Variants in UAP1 observed in about 807,000 individuals in gnomAD.
UAP1 encodes UDP-N-acetylhexosamine pyrophosphorylase.
Under a neutral mutation model 58.5 loss-of-function variants are expected in UAP1, and 25 were observed. The ratio of observed to expected loss-of-function variants is 0.43; its 90% CI spans 0.31 to 0.60. The LOEUF (loss-of-function observed/expected upper bound fraction) is 0.60, where lower values mean the gene tolerates loss of function less well. Among genes scored for constraint, UAP1 ranks in the 20% least tolerant of loss-of-function variants. UAP1 has a pLI of 0.11. For synonymous variants in UAP1, 208 were observed against 213.0 expected (o/e 0.98, Z 0.21); for missense variants, 575 against 630.0 (o/e 0.91, Z 0.93).
At chr1:162,575,406 T>C in intron 2 of UAP1, among the ~76,000 whole-genome samples, 1 of 152,288 alleles carries the variant, frequency 6.6e-6, no homozygotes, top group East Asian at 1.9e-4. Flanking sequence ...TATATTTACA[T>C]ATAATAAAAT....
rs551638452 is a variant in UAP1, at chr1:162,565,540, A to G, written c.-57-472A>G. 2.0e-5 allele frequency among the ~76,000 whole-genome samples: 3 copies of G among 152,362 alleles called. No individual in the cohort carries two copies. The South Asian group carries it at 6.2e-4, about 32-fold the overall frequency. ...ATTTCATTATACTGACTACAACAACACATGATAGTATTTCTATCATTAGAG... is the reference window on the plus strand; with the variant it reads ...ATTTCATTATACTGACTACAACAACGCATGATAGTATTTCTATCATTAGAG... On this transcript the variant is annotated intron_variant, in intron 1 of 10. Transcript: ENST00000271469.
intron 2 of UAP1, among the ~76,000 whole-genome samples, chr1:162,568,760 G>T (rs1467882342): frequency 2.6e-5 from 4 of 152,138 alleles, no homozygotes; most frequent in Admixed American, 6.5e-5. Flanking sequence ...TTACCCTCTA[G>T]TATCCCAGTT....
At chr1:162,590,766 A>G (rs980634182) in intron 8 of UAP1, among the ~76,000 whole-genome samples, 4 of 151,882 alleles carry the variant, frequency 2.6e-5, no homozygotes, top group Admixed American at 6.6e-5. Context: ...TGCCACCATG[A>G]CAGCAAAAAG....
chr1:162,582,875 GCTGAT>G (rs1422085087), intron 5 of UAP1, among the ~76,000 whole-genome samples: 1 of 152,150 alleles, frequency 6.6e-6, no homozygotes, highest in Non-Finnish European at 1.5e-5. Flanking sequence ...GAGAGATTAA[GCTGAT>G]AGACCTAATA....
At chr1:162,597,617 T>C in intron 9 of UAP1, 175 bp from the exon 10 acceptor site, 1 of 532,938 alleles carries the variant, frequency 1.9e-6, no homozygotes, top group Non-Finnish European at 3.3e-6. Flanking sequence ...CCTGAGAATT[T>C]CATATTAACT....
intron 7 of UAP1, 109 bp downstream of exon 7, chr1:162,588,942 A>C: frequency 2.6e-4 from 280 of 1,076,576 alleles, no homozygotes; most frequent in Non-Finnish European, 3.0e-4. Context: ...CACATATCTC[A>C]CATGGCATTT....
intron 2 of UAP1, among the ~76,000 whole-genome samples, chr1:162,570,302 G>A (rs965902668): frequency 1.3e-5 from 2 of 152,074 alleles, no homozygotes; most frequent in Non-Finnish European, 2.9e-5. Context: ...TGCATATATT[G>A]GGATTGTGTA....
intron 5 of UAP1, among the ~76,000 whole-genome samples, chr1:162,583,146 C>CTTTTTT (rs11376471): frequency 1.5e-4 from 10 of 68,034 alleles, no homozygotes; most frequent in Admixed American, 4.9e-4. Flanking sequence ...TGGTGTCACT[C>CTTTTTT]TTTTTTTTTT....
intron 3 of UAP1, 60 bp downstream of exon 3, chr1:162,577,041 A>C: frequency 1.3e-6 from 2 of 1,493,444 alleles, no homozygotes; most frequent in Non-Finnish European, 1.8e-6. Context: ...AATATTCAAA[A>C]TGCATATATA....
chr1:162,596,453 G>A (rs1343759815), intron 9 of UAP1, among the ~76,000 whole-genome samples: 1 of 152,218 alleles, frequency 6.6e-6, no homozygotes, highest in African/African-American at 2.4e-5. Context: ...GGGATTACAG[G>A]TGTGAGCCAC....
chr1:162,581,538 T>A lies in UAP1; in HGVS notation c.834+79T>A. On this transcript the variant is annotated intron_variant, in intron 5 of 10. Transcript: ENST00000271469. Reference sequence around the variant, plus strand: ...ACGCATTCCAGAAGTCAAACCAAGTTTATTAGGGTGATTTGAATATTTTAG... The same window carrying A: ...ACGCATTCCAGAAGTCAAACCAAGTATATTAGGGTGATTTGAATATTTTAG... 3 of 1,380,636 alleles carry A rather than the reference T, an allele frequency of 2.2e-6. No individual in the cohort carries two copies. The South Asian group carries it at 4.4e-5, about 20-fold the overall frequency. 85.5% of individuals were successfully genotyped at this position (1,380,636 alleles called of 1,614,324 possible). A position where few individuals can be genotyped will look rare whatever the true frequency, so the allele number is the denominator to read the frequency against.
intron 4 of UAP1, among the ~76,000 whole-genome samples, chr1:162,580,931 A>C (rs1025712794): frequency 6.6e-6 from 1 of 152,262 alleles, no homozygotes; most frequent in African/African-American, 2.4e-5. Context: ...AACTTGAATC[A>C]TACAAATGTT....
intron 2 of UAP1, among the ~76,000 whole-genome samples, chr1:162,574,352 C>T (rs898548797): frequency 1.3e-5 from 2 of 152,134 alleles, no homozygotes; most frequent in Non-Finnish European, 2.9e-5. Flanking sequence ...CTTGGCCTTC[C>T]AAAGTGTTGA....
At chr1:162,589,305 T>C (rs980976505) in intron 7 of UAP1, among the ~76,000 whole-genome samples, 3 of 135,578 alleles carry the variant, frequency 2.2e-5, no homozygotes, top group East Asian at 4.0e-4. Context: ...TTATATTATA[T>C]ATATAAATAA....
At chr1:162,586,329 T>C (rs1382030697) in intron 5 of UAP1, among the ~76,000 whole-genome samples, 4 of 152,134 alleles carry the variant, frequency 2.6e-5, no homozygotes, top group Non-Finnish European at 5.9e-5. Context: ...TTCAAATAGA[T>C]AGGGATTTTT....
At chr1:162,596,251 C>T (rs2101845169) in intron 9 of UAP1, among the ~76,000 whole-genome samples, 1 of 151,462 alleles carries the variant, frequency 6.6e-6, no homozygotes, top group East Asian at 2.0e-4. Flanking sequence ...TCTCGGCTCA[C>T]TGCAACCTCT....
chr1:162,600,760 C>G (rs1375261134), downstream of UAP1, among the ~76,000 whole-genome samples: 1 of 151,184 alleles, frequency 6.6e-6, no homozygotes, highest in Non-Finnish European at 1.5e-5. Context: ...ATTTCAATAA[C>G]AGCTCAATTT....
At chr1:162,581,731 G>T (rs1047423989) in intron 5 of UAP1, among the ~76,000 whole-genome samples, 1 of 152,158 alleles carries the variant, frequency 6.6e-6, no homozygotes, top group Non-Finnish European at 1.5e-5. Context: ...CTAGACCTGG[G>T]TTGGATTCAT....
intron 5 of UAP1, among the ~76,000 whole-genome samples, chr1:162,584,842 CATG>C (rs2101803073): frequency 6.6e-6 from 1 of 152,142 alleles, no homozygotes; most frequent in South Asian, 2.1e-4. Flanking sequence ...GAGTGAAGAA[CATG>C]AGAAAAGACT....
Sources: allele counts gnomAD v4.1 joint callset (sites outside exome capture counted in the v4.1 genomes callset), GRCh38; gene constraint gnomAD v4.1.1; transcripts MANE v1.5; gene names NCBI Gene and HGNC (gene_info 2026-07-23, HGNC 2026-07-21).